Variants in FAF1 observed in about 807,000 individuals in gnomAD.
The protein encoded by FAF1 is FAS-associated factor 1.
A neutral mutation model predicts 92.5 loss-of-function variants in FAF1; 25 were observed. The ratio of observed to expected loss-of-function variants is 0.27; its 90% CI spans 0.20 to 0.38. The LOEUF (loss-of-function observed/expected upper bound fraction) is 0.38. Ranked by LOEUF, FAF1 falls within the 10% of genes least tolerant of loss-of-function variation. FAF1 has a pLI of 1.00. For synonymous variants in FAF1, 234 were observed against 273.2 expected (o/e 0.86, Z 1.42); for missense variants, 636 against 793.3 (o/e 0.80, Z 2.38).
At chr1:50,941,319 C>T (rs1189831983) in intron 1 of FAF1, among the ~76,000 whole-genome samples, 2 of 152,156 alleles carry the variant, frequency 1.3e-5, no homozygotes, top group Admixed American at 6.6e-5. Context: ...AAGCGATTCT[C>T]GTGTCTCAGC....
chr1:50,926,651 T>C (rs1021547280), intron 1 of FAF1, among the ~76,000 whole-genome samples: 6 of 152,190 alleles, frequency 3.9e-5, no homozygotes, highest in African/African-American at 1.4e-4. Context: ...CACTACACAT[T>C]GCATATTCTT....
intron 13 of FAF1, among the ~76,000 whole-genome samples, chr1:50,541,471 T>C (rs867212077): frequency 5.9e-5 from 9 of 152,166 alleles, no homozygotes; most frequent in East Asian, 1.9e-4. Context: ...TAGGGATGTA[T>C]AGATCGTGAG....
chr1:50,442,498 A>G (rs532330731), intron 18 of FAF1, among the ~76,000 whole-genome samples: 2 of 152,282 alleles, frequency 1.3e-5, no homozygotes, highest in Admixed American at 6.5e-5. Context: ...TTCCATAATG[A>G]CTGCTGTGTG....
intron 13 of FAF1, among the ~76,000 whole-genome samples, chr1:50,556,861 A>T (rs1401857756): frequency 6.6e-6 from 1 of 151,598 alleles, no homozygotes; most frequent in African/African-American, 2.4e-5. Flanking sequence ...AATAATATAA[A>T]ATAAAATAAA....
At chr1:50,859,309 G>C (rs115687062) in intron 1 of FAF1, among the ~76,000 whole-genome samples, 5 of 151,856 alleles carry the variant, frequency 3.3e-5, no homozygotes, top group Middle Eastern at 3.4e-3. Flanking sequence ...AATAGGAAAA[G>C]AAGAAGTCAA....
chr1:50,575,513 G>A (rs757700972), intron 12 of FAF1, among the ~76,000 whole-genome samples: 58 of 151,948 alleles, frequency 3.8e-4, no homozygotes, highest in Non-Finnish European at 7.8e-4. Flanking sequence ...TTATTTTCAG[G>A]TTTGGAATTA....
intron 8 of FAF1, among the ~76,000 whole-genome samples, chr1:50,646,651 G>A (rs1654600336): frequency 6.6e-6 from 1 of 152,056 alleles, no homozygotes; most frequent in Non-Finnish European, 1.5e-5. Flanking sequence ...CTAACTGTTA[G>A]CAAAATTGGT....
chr1:50,769,862 C>A (rs1660715539), intron 4 of FAF1, among the ~76,000 whole-genome samples: 1 of 152,076 alleles, frequency 6.6e-6, no homozygotes, highest in African/African-American at 2.4e-5. Flanking sequence ...ACCAGCCTGG[C>A]CAATATGGTG....
intron 8 of FAF1, among the ~76,000 whole-genome samples, chr1:50,647,645 T>C (rs1237321090): frequency 6.6e-6 from 1 of 152,226 alleles, no homozygotes; most frequent in African/African-American, 2.4e-5. Context: ...TGTTAAGGCA[T>C]TCTTTCTAGT....
At position 50,577,110 on chromosome 1, in the gene FAF1, C is replaced by T. The variant is rs78183778; in HGVS notation, c.1113+5508G>A. ...GCTCCAGTAATACCAAACTGGTTGTCGTTTCCTCACTTTAATCTTCCATTG... is the reference window on the plus strand; with the variant it reads ...GCTCCAGTAATACCAAACTGGTTGTTGTTTCCTCACTTTAATCTTCCATTG... On this transcript the variant is annotated intron_variant, in intron 12 of 18. Coordinates refer to ENST00000396153, the MANE Select transcript of FAF1 (RefSeq NM_007051.3). Among the ~76,000 whole-genome samples, 429 of 152,246 alleles carry T rather than the reference C, an allele frequency of 2.8e-3. 3 individuals carry two copies. The highest frequency in any genetic ancestry group is 9.8e-3 in the African/African-American group (407 of 41,546).
intron 1 of FAF1, among the ~76,000 whole-genome samples, chr1:50,874,630 A>T (rs1343094223): frequency 6.6e-6 from 1 of 152,082 alleles, no homozygotes; most frequent in South Asian, 2.1e-4. Flanking sequence ...ATGCACAAGG[A>T]TTACTGGCAT....
intron 15 of FAF1, among the ~76,000 whole-genome samples, chr1:50,531,168 A>G (rs1208281909): frequency 1.3e-5 from 2 of 152,170 alleles, no homozygotes; most frequent in African/African-American, 4.8e-5. Flanking sequence ...TAGAATTCCT[A>G]GAGATGAGAA....
chr1:50,819,471 A>C (rs957963969), intron 2 of FAF1, among the ~76,000 whole-genome samples: 4 of 150,470 alleles, frequency 2.7e-5, no homozygotes, highest in Non-Finnish European at 5.9e-5. Flanking sequence ...AAATTAAAAA[A>C]AAAAAATTAG....
intron 15 of FAF1, among the ~76,000 whole-genome samples, chr1:50,504,791 G>A (rs1382776830): frequency 6.6e-6 from 1 of 152,156 alleles, no homozygotes; most frequent in Non-Finnish European, 1.5e-5. Flanking sequence ...TAAGACCCTG[G>A]ATGACTAGGT....
chr1:50,930,461 T>A (rs1003622888), intron 1 of FAF1, among the ~76,000 whole-genome samples: 4 of 152,222 alleles, frequency 2.6e-5, no homozygotes, highest in African/African-American at 9.6e-5. Context: ...TGACTTTAGT[T>A]ATTAACCTCT....
intron 6 of FAF1, among the ~76,000 whole-genome samples, chr1:50,730,462 A>T (rs986792848): frequency 6.6e-6 from 1 of 151,800 alleles, no homozygotes; most frequent in Non-Finnish European, 1.5e-5. Flanking sequence ...TGCCTCTGTC[A>T]TTAATTTCTG....
rs1234670873 is a variant in FAF1, at chr1:50,438,222, T to C, written c.*3218A>G. On this transcript the variant is annotated 3_prime_UTR_variant, in exon 19 of 19. Coordinates refer to ENST00000396153, the MANE Select transcript of FAF1 (RefSeq NM_007051.3). ...CCCTCATAGCGGGAGACTATTATGATGTGTGAAAGGTGTGTCCAATTGCAA... is the reference window on the plus strand; with the variant it reads ...CCCTCATAGCGGGAGACTATTATGACGTGTGAAAGGTGTGTCCAATTGCAA... The C allele has an allele frequency of 6.6e-6, 1 of 152,054 alleles. No homozygotes were observed. The highest frequency in any genetic ancestry group is 1.9e-4 in the East Asian group (1 of 5,186). The allele number at this position is 152,054 out of a possible 1,614,324, so 9.4% of individuals were successfully genotyped here.
intron 1 of FAF1, among the ~76,000 whole-genome samples, chr1:50,886,230 T>C (rs750277676): frequency 1.2e-4 from 18 of 152,342 alleles, no homozygotes; most frequent in Admixed American, 2.0e-4. Context: ...TTCTTTCAGA[T>C]TGAAGTACTC....
chr1:50,891,408 T>G (rs552037296), intron 1 of FAF1, among the ~76,000 whole-genome samples: 10 of 152,314 alleles, frequency 6.6e-5, no homozygotes, highest in African/African-American at 2.4e-4. Flanking sequence ...GTGAGGAGCT[T>G]CATTCCTCTG....
Sources: allele counts gnomAD v4.1 joint callset (sites outside exome capture counted in the v4.1 genomes callset), GRCh38; gene constraint gnomAD v4.1.1; transcripts MANE v1.5; gene names NCBI Gene and HGNC (gene_info 2026-07-23, HGNC 2026-07-21).